ASTE1: variants seen among roughly 807,000 people sequenced by gnomAD.
ASTE1 encodes the protein asteroid structure-specific endonuclease 1.
In ASTE1, 49 loss-of-function variants were observed where a neutral mutation model predicts 45.8. The observed-to-expected ratio is 1.07, with a 90% CI of 0.85 to 1.36. The LOEUF is 1.36. ASTE1 is among the 40% of genes most tolerant of loss of function. The pLI, the probability that ASTE1 is intolerant of heterozygous loss-of-function variation, is 0.00. For missense variants in ASTE1, 709 were observed against 804.0 expected, an observed-to-expected ratio of 0.88 and a Z score of 1.43; for synonymous variants, 296 against 303.9, an observed-to-expected ratio of 0.97 and a Z score of 0.27.
chr3:131,024,551 TCTC>T lies in ASTE1; in HGVS notation c.753_755del (p.Arg252del), dbSNP rs752533089. ...TCAGAAGTCCCAGGATTCGGTGGTG[TCTC>T]CTCCCTTTAGAACTGGTAGCTCCAA... On this transcript the variant is annotated inframe_deletion, in exon 3 of 6. Transcript: ENST00000264992. 3 of 1,613,982 alleles carry T rather than the reference TCTC, an allele frequency of 1.9e-6. No individual in the cohort carries two copies. In the Admixed American group the frequency reaches 5.0e-5, roughly 27 times the overall value.
chr3:131,025,799 T>TCCAC (rs1345914443), intron 1 of ASTE1, among the ~76,000 whole-genome samples: 1 of 152,140 alleles, frequency 6.6e-6, no homozygotes, highest in Non-Finnish European at 1.5e-5. Flanking sequence ...GTAAGGTGTG[T>TCCAC]AGGACCTATG....
chr3:131,024,144 T>C lies in ASTE1; in HGVS notation c.1163A>G (p.Asp388Gly). 6.2e-7 allele frequency: 1 copy of C among 1,614,222 alleles called. No homozygotes were observed. The change falls in exon 3 of 6, where the codon GAC (aspartate) becomes GGC (glycine). Residue 388 changes from aspartate to glycine, a missense_variant. Asp to Gly is a moderately conservative substitution (Grantham distance 94). Coordinates refer to ENST00000264992, the MANE Select transcript of ASTE1 (RefSeq NM_014065.4). ...AGGCAATGCATTCCAGGATGTCTTGTCCAGATGTGGTGAGGCATTTAAAAG... is the reference window on the plus strand; with the variant it reads ...AGGCAATGCATTCCAGGATGTCTTGCCCAGATGTGGTGAGGCATTTAAAAG... ...GLLLNASPHLDKTSWNALPPQ... is the reference protein window; with the variant it reads ...GLLLNASPHLGKTSWNALPPQ...
chr3:131,013,995 G>T lies in ASTE1; in HGVS notation c.*62C>A. The T allele has an allele frequency of 8.1e-7, 1 of 1,234,264 alleles. No homozygotes were observed. The highest frequency in any genetic ancestry group is 1.1e-6 in the Non-Finnish European group (1 of 891,104). The allele number at this position is 1,234,264 out of a possible 1,614,324, so 76.5% of individuals were successfully genotyped here. On this transcript the variant is annotated 3_prime_UTR_variant, in exon 6 of 6. Transcript: ENST00000264992. ...GAAAAAGCTAATTGTTTCAAGGGTG[G>T]TAACGGAAGAATTTTAAGTAAGGAT...
intron 4 of ASTE1, chr3:131,017,134 CT>C: frequency 1.1e-6 from 1 of 883,844 alleles, no homozygotes; most frequent in South Asian, 1.4e-5. Flanking sequence ...TGAGAGCTTT[CT>C]TATACTGTAT....
intron 4 of ASTE1, chr3:131,017,144 A>G: frequency 2.5e-6 from 2 of 788,590 alleles, no homozygotes; most frequent in Non-Finnish European, 3.6e-6. Context: ...CTTATACTGT[A>G]TTTATTATTC....
At chr3:131,016,080 A>AGT in intron 5 of ASTE1, 64 bp downstream of exon 5, 1 of 1,562,780 alleles carries the variant, frequency 6.4e-7, no homozygotes, top group Non-Finnish European at 8.7e-7. Context: ...TTTAAATATA[A>AGT]GTGAAAATAC....
intron 3 of ASTE1, among the ~76,000 whole-genome samples, chr3:131,019,041 C>T (rs2063707798): frequency 6.6e-6 from 1 of 152,156 alleles, no homozygotes; most frequent in South Asian, 2.1e-4. Flanking sequence ...GGCCCTACTC[C>T]ATAAATTTTG....
chr3:131,024,813 A>C lies in ASTE1; in HGVS notation c.494T>G (p.Ile165Ser). Residue 165 changes from isoleucine to serine, a missense_variant, in exon 3 of 6, where the codon ATT becomes AGT. Transcript: ENST00000264992. ...PVLSSDSDFCIFDLKTGFCPL... is the reference protein window; with the variant it reads ...PVLSSDSDFCSFDLKTGFCPL... ...GCAAAACCCAGTTTTCAGGTCAAAA[A>C]TGCAAAAGTCACTATCTGATGATAA... 7 of 1,614,206 alleles carry C rather than the reference A, an allele frequency of 4.3e-6. No homozygotes were observed. Among genetic ancestry groups the C allele is most frequent in the Non-Finnish European group, 5.9e-6 (7 of 1,180,032 alleles).
At chr3:131,014,796 A>G (rs1195431395) in intron 5 of ASTE1, among the ~76,000 whole-genome samples, 1 of 152,212 alleles carries the variant, frequency 6.6e-6, no homozygotes, top group Non-Finnish European at 1.5e-5. Context: ...CTAAAAACCT[A>G]CTTCACAAAT....
chr3:131,024,150 T>C lies in ASTE1; in HGVS notation c.1157A>G (p.His386Arg). The C allele has an allele frequency of 6.2e-7, 1 of 1,614,218 alleles. No homozygotes were observed. Among genetic ancestry groups the C allele is most frequent in the Non-Finnish European group, 8.5e-7 (1 of 1,180,026 alleles). The stretch of plus-strand genomic sequence containing the variant: ...TGCATTCCAGGATGTCTTGTCCAGA[T>C]GTGGTGAGGCATTTAAAAGAAGCCC... ...IYGLLLNASP[H>R]LDKTSWNALP... The change falls in exon 3 of 6, where the codon CAT becomes CGT. Residue 386 changes from histidine to arginine, a missense_variant. By Grantham distance (29) the His-to-Arg change is conservative. Transcript: ENST00000264992.
chr3:131,024,747 T>C lies in ASTE1; in HGVS notation c.560A>G (p.Lys187Arg). ...GGCAGGGATATAGTTTTGTGTGCCCTTAATAGTGTTCATATTTCTCCACTG... is the reference window on the plus strand; with the variant it reads ...GGCAGGGATATAGTTTTGTGTGCCCCTAATAGTGTTCATATTTCTCCACTG... ...SFQWRNMNTI[K>R]GTQNYIPAKC... The change falls in exon 3 of 6, where the codon AAG becomes AGG. Residue 187 changes from lysine (K) to arginine (R), a missense_variant. Transcript: ENST00000264992. 1 of 1,613,398 alleles carries C rather than the reference T, an allele frequency of 6.2e-7. No homozygotes were observed. Among genetic ancestry groups the C allele is most frequent in the Non-Finnish European group, 8.5e-7 (1 of 1,179,584 alleles).
rs765744101 is a variant in ASTE1 at position 131,024,001 on chromosome 3, T to G, written c.1302+4A>C. ...AAAATTTCATTAGTATTACAAATAC[T>G]TACCTCAGTCAATCTGCTTAAGTCA... On this transcript the variant is annotated splice_donor_region_variant and intron_variant, in intron 3 of 5. Coordinates refer to ENST00000264992, the MANE Select transcript of ASTE1 (RefSeq NM_014065.4). 8.2e-6 allele frequency: 13 copies of G among 1,578,164 alleles called. No homozygotes were observed. The Middle Eastern group carries it at 1.0e-3, about 126-fold the overall frequency.
intron 4 of ASTE1, among the ~76,000 whole-genome samples, chr3:131,017,493 T>C (rs577799827): frequency 1.3e-5 from 2 of 152,364 alleles, no homozygotes; most frequent in Non-Finnish European, 2.9e-5. Flanking sequence ...TTTGGCCATG[T>C]GTGGCTAGTA....
Position 131,025,113 on chromosome 3 carries a change from T to A in ASTE1, c.194A>T (p.Glu65Val). The A allele has an allele frequency of 6.2e-7, 1 of 1,614,166 alleles. No individual in the cohort carries two copies. The highest frequency in any genetic ancestry group is 8.5e-7 in the Non-Finnish European group (1 of 1,180,020). The stretch of plus-strand genomic sequence containing the variant: ...GCATATATTACAAGCAAACAGTGAT[T>A]CAAAGAATTTTTGTACAACATCTGC... ...SFADVVQKFF[E>V]SLFACNICPY... The change falls in exon 3 of 6, where the codon GAA becomes GTA. Residue 65 changes from glutamate to valine, a missense_variant. By Grantham distance (121) the Glu-to-Val change is moderately radical. Coordinates refer to ENST00000264992, the MANE Select transcript of ASTE1 (RefSeq NM_014065.4).
At chr3:131,018,336 T>TA (rs1371437442) in intron 4 of ASTE1, among the ~76,000 whole-genome samples, 170 bp downstream of exon 4, 1 of 152,234 alleles carries the variant, frequency 6.6e-6, no homozygotes, top group African/African-American at 2.4e-5. Context: ...CATGAAGTGT[T>TA]AAAAAATATT....
At chr3:131,022,543 G>C (rs1482740918) in intron 3 of ASTE1, among the ~76,000 whole-genome samples, 2 of 150,272 alleles carry the variant, frequency 1.3e-5, no homozygotes, top group South Asian at 4.2e-4. Flanking sequence ...GGCTGGTCTT[G>C]AACTACTGGC....
chr3:131,016,705 C>G, intron 4 of ASTE1: 1 of 320,186 alleles, frequency 3.1e-6, no homozygotes, highest in Non-Finnish European at 6.0e-6. Flanking sequence ...TGTTCTCTTT[C>G]ACCGAAACTC....
At chr3:131,023,140 T>C (rs1315780923) in intron 3 of ASTE1, among the ~76,000 whole-genome samples, 47 of 152,320 alleles carry the variant, frequency 3.1e-4, no homozygotes, top group Admixed American at 2.5e-3. Flanking sequence ...AAGGAAGACC[T>C]GACTTAAATC....
At chr3:131,021,226 C>CA (rs1195698181) in intron 3 of ASTE1, among the ~76,000 whole-genome samples, 1 of 151,804 alleles carries the variant, frequency 6.6e-6, no homozygotes, top group African/African-American at 2.4e-5. Flanking sequence ...TAAAAATGAG[C>CA]AAAAAACTGT....
Sources: gnomAD v4.1 joint callset for allele counts (sites outside exome capture counted in the v4.1 genomes callset) on GRCh38, gnomAD v4.1.1 for gene constraint, MANE v1.5 for transcripts, NCBI Gene and HGNC (gene_info 2026-07-23, HGNC 2026-07-21) for gene names.